The following PLEKHA2 variants were observed in gnomAD, a reference collection of about 807,000 sequenced individuals.
PLEKHA2 encodes the protein pleckstrin homology domain containing A2, also known as pleckstrin homology domain-containing family A member 2.
In PLEKHA2, 28 loss-of-function variants were observed where a neutral mutation model predicts 53.2. That is an observed-to-expected ratio of 0.53 (90% CI 0.39 to 0.72). The LOEUF (loss-of-function observed/expected upper bound fraction) is 0.72, where lower values mean the gene tolerates loss of function less well. Among genes scored for constraint, PLEKHA2 ranks in the 30% least tolerant of loss-of-function variants. The pLI is 0.00. For synonymous variants in PLEKHA2, 193 were observed against 196.4 expected, an observed-to-expected ratio of 0.98 and a Z score of 0.14; for missense variants, 426 against 537.9, an observed-to-expected ratio of 0.79 and a Z score of 2.06.
Position 38,968,655 on chromosome 8 carries a change from A to G in PLEKHA2, c.901A>G (p.Lys301Glu), listed in dbSNP as rs1254445545. 1 of 1,613,970 alleles carries G rather than the reference A, an allele frequency of 6.2e-7. No individual in the cohort carries two copies. ...GATTGGCGCAGCTGTCCAGGCCCTCAAGTGCCACCCCAGAGTAAGTCACTT... is the reference window on the plus strand; with the variant it reads ...GATTGGCGCAGCTGTCCAGGCCCTCGAGTGCCACCCCAGAGTAAGTCACTT... ...KEIGAAVQAL[K>E]CHPRETSFSR... Residue 301 changes from lysine to glutamate, a missense_variant, in exon 11 of 12, where the codon AAG (lysine) becomes GAG (glutamate). Transcript: ENST00000617275.
intron 1 of PLEKHA2, among the ~76,000 whole-genome samples, chr8:38,907,615 G>T (rs916462447): frequency 1.4e-4 from 21 of 152,024 alleles, no homozygotes; most frequent in African/African-American, 3.9e-4. Context: ...ACAAAAATTA[G>T]CTGGGTATGG....
intron 1 of PLEKHA2, among the ~76,000 whole-genome samples, chr8:38,909,409 C>T (rs535901435): frequency 6.6e-6 from 1 of 152,198 alleles, no homozygotes; most frequent in East Asian, 1.9e-4. Context: ...ATCCTAGGAA[C>T]ATTTTTCAAG....
intron 3 of PLEKHA2, among the ~76,000 whole-genome samples, chr8:38,940,835 C>G (rs1834597571): frequency 6.6e-6 from 1 of 151,886 alleles, no homozygotes; most frequent in Non-Finnish European, 1.5e-5. Context: ...TTTTCGTAGG[C>G]TCTGTGGCTT....
chr8:38,941,119 G>T (rs997772195), intron 3 of PLEKHA2, among the ~76,000 whole-genome samples: 1 of 151,468 alleles, frequency 6.6e-6, no homozygotes, highest in South Asian at 2.1e-4. Context: ...TGCAATGGCG[G>T]GATCTCAGCT....
At chr8:38,930,495 C>T (rs569637632) in intron 2 of PLEKHA2, among the ~76,000 whole-genome samples, 1 of 152,140 alleles carries the variant, frequency 6.6e-6, no homozygotes, top group African/African-American at 2.4e-5. Context: ...TGAGCCACCA[C>T]GCTCAGCCTA....
chr8:38,958,856 A>G (rs1247894382), intron 10 of PLEKHA2, among the ~76,000 whole-genome samples: 2 of 152,180 alleles, frequency 1.3e-5, no homozygotes, highest in East Asian at 3.8e-4. Flanking sequence ...CAAGAGAGAG[A>G]GAGCTCGTCA....
intron 10 of PLEKHA2, among the ~76,000 whole-genome samples, chr8:38,966,597 G>A (rs900355070): frequency 3.9e-5 from 6 of 152,174 alleles, no homozygotes; most frequent in Non-Finnish European, 5.9e-5. Flanking sequence ...AGGCTCCACC[G>A]GCAGTAGCGA....
At chr8:38,911,800 A>AC (rs1321762619) in intron 1 of PLEKHA2, among the ~76,000 whole-genome samples, 1 of 151,746 alleles carries the variant, frequency 6.6e-6, no homozygotes, top group Non-Finnish European at 1.5e-5. Flanking sequence ...ATGTAGGGAG[A>AC]CCCCATCTCT....
At chr8:38,950,751 G>A in intron 5 of PLEKHA2, 99 bp from the exon 6 acceptor site, 2 of 1,441,930 alleles carry the variant, frequency 1.4e-6, no homozygotes, top group Middle Eastern at 1.9e-4. Flanking sequence ...CTGTAATTTG[G>A]CACATGAGCT....
intron 3 of PLEKHA2, among the ~76,000 whole-genome samples, chr8:38,936,722 C>T (rs986694706): frequency 6.6e-5 from 10 of 152,360 alleles, no homozygotes; most frequent in Admixed American, 3.9e-4. Context: ...CTGAATTCAG[C>T]TTCTATTAGC....
chr8:38,909,577 G>A (rs933643733), intron 1 of PLEKHA2, among the ~76,000 whole-genome samples: 1 of 152,106 alleles, frequency 6.6e-6, no homozygotes, highest in Non-Finnish European at 1.5e-5. Context: ...AGTTCCTCGG[G>A]GCAATTTTTT....
At position 38,973,431 on chromosome 8, in the gene PLEKHA2, G is replaced by A. The variant is rs1835288796; in HGVS notation, c.*3648G>A. On this transcript the variant is annotated 3_prime_UTR_variant, in exon 12 of 12. Transcript: ENST00000617275. ...TGAATAAATAGCAGGTTCAGTAGTT[G>A]AGGAGTGGAGTTTAGTAGGTTTGTT... 6.6e-6 allele frequency: 1 copy of A among 151,894 alleles called. No individual in the cohort carries two copies. Among genetic ancestry groups the A allele is most frequent in the African/African-American group, 2.4e-5 (1 of 41,326 alleles). The allele number at this position is 151,894 out of a possible 1,614,324, so 9.4% of individuals were successfully genotyped here. A position where few individuals can be genotyped will look rare whatever the true frequency, so the allele number is the denominator to read the frequency against.
chr8:38,949,552 A>G (rs1038613547), intron 5 of PLEKHA2, among the ~76,000 whole-genome samples: 2 of 152,234 alleles, frequency 1.3e-5, no homozygotes, highest in African/African-American at 2.4e-5. Context: ...TGGGCCACCA[A>G]TTTGCAACCT....
chr8:38,919,191 C>T (rs1470541954), intron 2 of PLEKHA2, among the ~76,000 whole-genome samples: 1 of 152,234 alleles, frequency 6.6e-6, no homozygotes, highest in Non-Finnish European at 1.5e-5. Flanking sequence ...GCCTCAGACA[C>T]TGCACTGGAT....
At chr8:38,967,180 C>T (rs1193561105) in intron 10 of PLEKHA2, among the ~76,000 whole-genome samples, 5 of 152,138 alleles carry the variant, frequency 3.3e-5, no homozygotes, top group Admixed American at 6.5e-5. Flanking sequence ...TTTTCTTTAT[C>T]GAGTCCTCTG....
At chr8:38,918,217 G>GAC (rs957954661) in intron 2 of PLEKHA2, 147 bp downstream of exon 2, 84 of 1,068,090 alleles carry the variant, frequency 7.9e-5, no homozygotes, top group Non-Finnish European at 1.0e-4. Context: ...AACACACACA[G>GAC]ACACACACAC....
At chr8:38,950,037 T>C (rs1237256467) in intron 5 of PLEKHA2, among the ~76,000 whole-genome samples, 1 of 151,814 alleles carries the variant, frequency 6.6e-6, no homozygotes, top group Non-Finnish European at 1.5e-5. Context: ...GTTCCTTTTA[T>C]TTAGTTTTTT....
chr8:38,960,875 A>C (rs1292391400), intron 10 of PLEKHA2: 1 of 152,248 alleles, frequency 6.6e-6, no homozygotes, highest in Admixed American at 6.5e-5. Context: ...ATACTCTTAC[A>C]TTAAAATCCA....
chr8:38,916,339 A>G (rs755306099), intron 1 of PLEKHA2, among the ~76,000 whole-genome samples: 18 of 152,212 alleles, frequency 1.2e-4, no homozygotes, highest in Non-Finnish European at 2.1e-4. Flanking sequence ...CTGTTGTACT[A>G]TCAAATAGTA....
Sources: gnomAD v4.1 joint callset for allele counts (sites outside exome capture counted in the v4.1 genomes callset) on GRCh38, gnomAD v4.1.1 for gene constraint, MANE v1.5 for transcripts, NCBI Gene and HGNC (gene_info 2026-07-23, HGNC 2026-07-21) for gene names.